CHRM3: variants seen among roughly 807,000 people sequenced by gnomAD.
The protein encoded by CHRM3 is cholinergic receptor muscarinic 3.
CHRM3 carries 11 observed loss-of-function variants against 41.8 expected under a neutral mutation model. That is an observed-to-expected ratio of 0.26 (90% CI 0.17 to 0.44). CHRM3 has a LOEUF of 0.44. Ranked by LOEUF, CHRM3 falls within the 20% of genes least tolerant of loss-of-function variation. The probability of loss-of-function intolerance (pLI) is 1.00; values close to 1 mark genes in which losing one functional copy is unlikely to be tolerated. For synonymous variants in CHRM3, 297 were observed against 301.4 expected, an observed-to-expected ratio of 0.99 and a Z score of 0.15; for missense variants, 571 against 745.4, an observed-to-expected ratio of 0.77 and a Z score of 2.72.
Position 239,908,247 on chromosome 1 carries a change from G to T in CHRM3, c.796G>T (p.Ala266Ser). 6.2e-7 allele frequency: 1 copy of T among 1,614,140 alleles called. No homozygotes were observed. Residue 266 changes from alanine to serine, a missense_variant, in exon 7 of 7, where the codon GCT becomes TCT. By Grantham distance (99) the Ala-to-Ser change is moderately conservative (BLOSUM62 1). Coordinates refer to ENST00000676153, the MANE Select transcript of CHRM3 (RefSeq NM_001375978.1). The surrounding 1 kb of genome is among the most constrained non-coding windows in gnomAD (Gnocchi z 7.2). The stretch of plus-strand genomic sequence containing the variant: ...AACTGAAAAGCGTACCAAAGAGCTT[G>T]CTGGCCTGCAAGCCTCTGGGACAGA... ...KETEKRTKELAGLQASGTEAE... is the reference protein window; with the variant it reads ...KETEKRTKELSGLQASGTEAE...
intron 1 of CHRM3, among the ~76,000 whole-genome samples, chr1:239,469,496 A>T (rs1665960646): frequency 6.6e-6 from 1 of 152,076 alleles, no homozygotes; most frequent in African/African-American, 2.4e-5. Flanking sequence ...TCAAGCTGGT[A>T]GTTAGTTGTG....
chr1:239,412,534 A>G (rs1161979670), intron 1 of CHRM3, among the ~76,000 whole-genome samples: 3 of 150,458 alleles, frequency 2.0e-5, no homozygotes, highest in South Asian at 2.1e-4. Context: ...AGTAAGAACA[A>G]TTGTTCAGGT....
At chr1:239,859,816 G>GTT (rs1001798641) in intron 6 of CHRM3, among the ~76,000 whole-genome samples, 16 of 85,304 alleles carry the variant, frequency 1.9e-4, no homozygotes, top group East Asian at 5.5e-4. Context: ...AGTTCTAAGT[G>GTT]TTTTATATAT....
At chr1:239,698,801 C>A (rs6694025) in intron 5 of CHRM3, among the ~76,000 whole-genome samples, 2 of 151,968 alleles carry the variant, frequency 1.3e-5, no homozygotes, top group African/African-American at 4.8e-5. Context: ...AGGTGCCATC[C>A]CTCCACATGA....
intron 5 of CHRM3, among the ~76,000 whole-genome samples, chr1:239,696,409 T>G (rs928827341): frequency 1.3e-5 from 2 of 149,466 alleles, no homozygotes; most frequent in African/African-American, 2.5e-5. Flanking sequence ...GCGTGGACAC[T>G]GGTGCCTTTC....
chr1:239,845,064 T>C (rs926327740), intron 6 of CHRM3, among the ~76,000 whole-genome samples: 14 of 152,200 alleles, frequency 9.2e-5, no homozygotes, highest in African/African-American at 2.9e-4. Context: ...ACAGATGGGC[T>C]GAATGGCATA....
intron 4 of CHRM3, among the ~76,000 whole-genome samples, chr1:239,657,535 C>T (rs570663363): frequency 2.0e-4 from 31 of 152,200 alleles, no homozygotes; most frequent in Admixed American, 5.2e-4. Flanking sequence ...GATGACTCAA[C>T]ACAGAAAAGT....
At chr1:239,806,646 C>T (rs374092995) in intron 5 of CHRM3, among the ~76,000 whole-genome samples, 14 of 152,126 alleles carry the variant, frequency 9.2e-5, no homozygotes, top group African/African-American at 2.4e-4. Flanking sequence ...CTCTTGGAGA[C>T]GAAAGTTACT....
intron 1 of CHRM3, among the ~76,000 whole-genome samples, chr1:239,435,094 T>C (rs1036634229): frequency 6.6e-6 from 1 of 152,224 alleles, no homozygotes; most frequent in Non-Finnish European, 1.5e-5. Flanking sequence ...TATGAAGTTA[T>C]GTAACTTTTC....
chr1:239,405,507 G>A (rs927313140), intron 1 of CHRM3, among the ~76,000 whole-genome samples: 1 of 152,000 alleles, frequency 6.6e-6, no homozygotes, highest in African/African-American at 2.4e-5. Flanking sequence ...AGAATAGATG[G>A]GTGTAGTAGG....
chr1:239,767,787 G>C (rs1412932594), intron 5 of CHRM3, among the ~76,000 whole-genome samples: 4 of 152,150 alleles, frequency 2.6e-5, no homozygotes, highest in Admixed American at 2.0e-4. Context: ...GGAATCAGAT[G>C]GATCTACCTG....
intron 3 of CHRM3, among the ~76,000 whole-genome samples, chr1:239,595,758 G>T (rs1664704690): frequency 6.6e-6 from 1 of 151,968 alleles, no homozygotes; most frequent in African/African-American, 2.4e-5. Flanking sequence ...CTCCAGTGTT[G>T]GTGAAATTTG....
At position 239,511,779 on chromosome 1, in the gene CHRM3, C is replaced by T. The variant is rs550265915; in HGVS notation, c.-422+18972C>T. 6.2e-4 allele frequency among the ~76,000 whole-genome samples: 94 copies of T among 152,146 alleles called. 1 individual carries two copies. Among genetic ancestry groups the T allele is most frequent in the African/African-American group, 9.9e-4 (41 of 41,524 alleles). On this transcript the variant is annotated intron_variant, in intron 2 of 6. Transcript: ENST00000676153. ...CTTGATAGAAAGGAAACATGTTTCA[C>T]GGGAAATTGAGATGAAAAGTGCAGA...
intron 6 of CHRM3, among the ~76,000 whole-genome samples, chr1:239,885,521 C>A (rs926382489): frequency 6.6e-6 from 1 of 152,040 alleles, no homozygotes; most frequent in South Asian, 2.1e-4. Flanking sequence ...CTTCTTGTAC[C>A]GAGAGCAATA....
At chr1:239,852,614 C>G (rs1316562008) in intron 6 of CHRM3, among the ~76,000 whole-genome samples, 1 of 152,150 alleles carries the variant, frequency 6.6e-6, no homozygotes, top group Non-Finnish European at 1.5e-5. Flanking sequence ...ATAAATTCTT[C>G]AGGAAATAAT....
Position 239,599,546 on chromosome 1 carries a change from AAGG to A in CHRM3, c.-312-32675_-312-32673del, listed in dbSNP as rs555780419. Among the ~76,000 whole-genome samples, 638 of 151,930 alleles carry A rather than the reference AAGG, an allele frequency of 4.2e-3. 6 individuals carry two copies. Among genetic ancestry groups the A allele is most frequent in the African/African-American group, 0.015 (615 of 41,406 alleles). ...CATCTCCCACCCATACTTCCCACTG[AAGG>A]AGTGCAAGACTTGTGTTTCATAACT... On this transcript the variant is annotated intron_variant, in intron 3 of 6. Coordinates refer to ENST00000676153, the MANE Select transcript of CHRM3 (RefSeq NM_001375978.1).
chr1:239,571,003 A>G (rs1338441037), intron 3 of CHRM3, among the ~76,000 whole-genome samples: 1 of 152,198 alleles, frequency 6.6e-6, no homozygotes, highest in African/African-American at 2.4e-5. Context: ...ACACAGGCTT[A>G]CATGTAAGTC....
intron 3 of CHRM3, among the ~76,000 whole-genome samples, chr1:239,546,974 A>G (rs894269898): frequency 1.3e-5 from 2 of 152,188 alleles, no homozygotes; most frequent in Non-Finnish European, 2.9e-5. Flanking sequence ...TGAAAATGTA[A>G]TCTTAACAAA....
At chr1:239,446,133 C>T (rs1343230901) in intron 1 of CHRM3, among the ~76,000 whole-genome samples, 1 of 152,090 alleles carries the variant, frequency 6.6e-6, no homozygotes, top group African/African-American at 2.4e-5. Context: ...GATGGGGTTT[C>T]ACCATGTTGG....
Sources: gnomAD v4.1 joint callset for allele counts (sites outside exome capture counted in the v4.1 genomes callset) on GRCh38, gnomAD v4.1.1 for gene constraint, Gnocchi (gnomAD v3.1) non-coding constraint, MANE v1.5 for transcripts, NCBI Gene and HGNC (gene_info 2026-07-23, HGNC 2026-07-21) for gene names.